Variants in TLN2 observed in about 807,000 individuals in gnomAD.
The protein encoded by TLN2 is talin-2.
A neutral mutation model predicts 294.7 loss-of-function variants in TLN2; 118 were observed. The observed-to-expected ratio is 0.40, with a 90% CI of 0.34 to 0.47. The LOEUF is 0.47. Ranked by LOEUF, TLN2 falls within the 20% of genes least tolerant of loss-of-function variation. The pLI, the probability that TLN2 is intolerant of heterozygous loss-of-function variation, is 0.84. For synonymous variants in TLN2, 1,431 were observed against 1,304.5 expected, an observed-to-expected ratio of 1.10 and a Z score of -2.09; for missense variants, 3,083 against 3,282.2, an observed-to-expected ratio of 0.94 and a Z score of 1.48.
intron 9 of TLN2, among the ~76,000 whole-genome samples, chr15:62,672,513 C>T (rs1335458296): frequency 6.6e-6 from 1 of 152,138 alleles, no homozygotes; most frequent in Non-Finnish European, 1.5e-5. Context: ...GAGTTGATAA[C>T]TCTCGAGGCT....
intron 43 of TLN2, among the ~76,000 whole-genome samples, chr15:62,777,765 A>T (rs1351863151): frequency 1.3e-5 from 2 of 152,226 alleles, no homozygotes. Context: ...GGCTACAGAC[A>T]TGTAAGAGAA....
At chr15:62,429,133 G>A (rs1241736581) in intron 1 of TLN2, among the ~76,000 whole-genome samples, 1 of 151,552 alleles carries the variant, frequency 6.6e-6, no homozygotes, top group Non-Finnish European at 1.5e-5. Flanking sequence ...GCGGGGGTTG[G>A]GGGGGTAGTG....
chr15:62,596,833 A>T (rs1319340574), intron 2 of TLN2, among the ~76,000 whole-genome samples: 1 of 152,222 alleles, frequency 6.6e-6, no homozygotes, highest in Non-Finnish European at 1.5e-5. Context: ...AAAAGCTTAT[A>T]GTGAAAAGCA....
At chr15:62,582,246 A>ACACACACACACACCC (rs764248336) in intron 1 of TLN2, among the ~76,000 whole-genome samples, 1 of 137,236 alleles carries the variant, frequency 7.3e-6, no homozygotes, top group Non-Finnish European at 1.6e-5. Flanking sequence ...ACACACACAC[A>ACACACACACACACCC]CATTCATGCC....
chr15:62,547,737 G>A (rs935427917), intron 1 of TLN2, among the ~76,000 whole-genome samples: 2 of 152,188 alleles, frequency 1.3e-5, no homozygotes, highest in African/African-American at 4.8e-5. Flanking sequence ...TTCCTTGGAA[G>A]GACTTCAGCA....
Position 62,668,028 on chromosome 15 carries a change from G to A in TLN2, c.789-5799G>A, listed in dbSNP as rs113384619. Among the ~76,000 whole-genome samples, 292 of 152,168 alleles carry A rather than the reference G, an allele frequency of 1.9e-3. 4 individuals are homozygous for A. Among genetic ancestry groups the A allele is most frequent in the Middle Eastern group, 3.4e-3 (1 of 294 alleles). On this transcript the variant is annotated intron_variant, in intron 9 of 58. Coordinates refer to ENST00000636159, the MANE Select transcript of TLN2 (RefSeq NM_015059.3). ...ACAAAGAACTCAAATACATAGAAAC[G>A]GTAGGAAAGTGGTTACTGAGGGTGG...
At chr15:62,588,002 C>T (rs1045236619) in intron 1 of TLN2, among the ~76,000 whole-genome samples, 5 of 152,098 alleles carry the variant, frequency 3.3e-5, no homozygotes, top group African/African-American at 1.2e-4. Flanking sequence ...TGCCTCAGCC[C>T]CCACAGTAGC....
chr15:62,815,955 C>A (rs1015623569), intron 52 of TLN2, among the ~76,000 whole-genome samples: 2 of 152,168 alleles, frequency 1.3e-5, no homozygotes, highest in African/African-American at 2.4e-5. Flanking sequence ...GGGTCATGGG[C>A]CCCTTTGAGC....
chr15:62,652,750 C>T (rs1026370292), intron 6 of TLN2, among the ~76,000 whole-genome samples: 31 of 152,156 alleles, frequency 2.0e-4, no homozygotes, highest in African/African-American at 5.5e-4. Context: ...CTACTATACG[C>T]GTGACTTCTT....
At chr15:62,807,762 A>G (rs546066025) in intron 51 of TLN2, among the ~76,000 whole-genome samples, 65 of 152,178 alleles carry the variant, frequency 4.3e-4, no homozygotes, top group Non-Finnish European at 8.1e-4. Flanking sequence ...TTGCAGGACA[A>G]GATAGCAGCC....
rs538745678 is a variant in TLN2, at chr15:62,843,740, C to T, written c.*3130C>T. On this transcript the variant is annotated 3_prime_UTR_variant, in exon 59 of 59. Transcript: ENST00000636159. Reference sequence around the variant, plus strand: ...ATTCACCATAGCCTAAGAGAGTAAACCCCACCTCCAAAGTGATGCCAAGGC... The same window carrying T: ...ATTCACCATAGCCTAAGAGAGTAAATCCCACCTCCAAAGTGATGCCAAGGC... The T allele has an allele frequency of 6.6e-6, 1 of 152,302 alleles. No homozygotes were observed. The highest frequency in any genetic ancestry group is 6.5e-5 in the Admixed American group (1 of 15,298). 9.4% of individuals were successfully genotyped at this position (152,302 alleles called of 1,614,324 possible).
chr15:62,511,853 C>T lies in TLN2; in HGVS notation c.-237-77834C>T, dbSNP rs564624505. 2.0e-4 allele frequency among the ~76,000 whole-genome samples: 31 copies of T among 152,208 alleles called. No homozygotes were observed. In the East Asian group the frequency reaches 3.9e-3, roughly 19 times the overall value. The stretch of plus-strand genomic sequence containing the variant: ...TCTTGCCTTTAGTTAAAACAAAAAT[C>T]GGTGTTTAACTTGCCTTCAGATGAT... On this transcript the variant is annotated intron_variant, in intron 1 of 58. Transcript: ENST00000636159.
At chr15:62,722,923 A>G (rs187359797) in intron 26 of TLN2, among the ~76,000 whole-genome samples, 2 of 152,316 alleles carry the variant, frequency 1.3e-5, no homozygotes, top group East Asian at 3.9e-4. Context: ...TTGAAGTGTC[A>G]TCTTTATTAT....
At chr15:62,800,244 G>A in intron 48 of TLN2, 124 bp from the exon 49 acceptor site, 2 of 1,455,836 alleles carry the variant, frequency 1.4e-6, no homozygotes, top group Non-Finnish European at 1.8e-6. Context: ...CTGCCATGCT[G>A]CAGACTTCAG....
chr15:62,527,133 T>C (rs2040783437), intron 1 of TLN2, among the ~76,000 whole-genome samples: 1 of 152,136 alleles, frequency 6.6e-6, no homozygotes, highest in East Asian at 1.9e-4. Context: ...ATTTTGAGAT[T>C]GTAGGTGAGG....
intron 2 of TLN2, among the ~76,000 whole-genome samples, chr15:62,599,710 A>G (rs1301655293): frequency 2.0e-5 from 3 of 152,148 alleles, no homozygotes; most frequent in Non-Finnish European, 4.4e-5. Flanking sequence ...TCTCTCCTGC[A>G]GGAGAACTTT....
intron 3 of TLN2, among the ~76,000 whole-genome samples, chr15:62,638,836 G>C (rs2140907655): frequency 6.6e-6 from 1 of 152,218 alleles, no homozygotes; most frequent in South Asian, 2.1e-4. Context: ...AGTTATTTCT[G>C]ACTGATGTGG....
intron 1 of TLN2, among the ~76,000 whole-genome samples, chr15:62,498,524 G>A (rs1009931115): frequency 6.6e-6 from 1 of 152,146 alleles, no homozygotes; most frequent in East Asian, 1.9e-4. Context: ...TTCCTAGAAA[G>A]TGAGGGGCTG....
chr15:62,650,411 A>C (rs114408590), intron 5 of TLN2, among the ~76,000 whole-genome samples: 45 of 152,292 alleles, frequency 3.0e-4, no homozygotes, highest in African/African-American at 1.0e-3. Context: ...AGTAGTTTCT[A>C]CTTGTCGTTG....
Sources: allele counts gnomAD v4.1 joint callset (sites outside exome capture counted in the v4.1 genomes callset), GRCh38; gene constraint gnomAD v4.1.1; transcripts MANE v1.5; gene names NCBI Gene and HGNC (gene_info 2026-07-23, HGNC 2026-07-21).